Variants in PDE5A observed in about 807,000 individuals in gnomAD.
PDE5A encodes the protein phosphodiesterase 5A.
In PDE5A, 67 loss-of-function variants were observed where a neutral mutation model predicts 110.2. The observed-to-expected ratio is 0.61, with a 90% CI of 0.50 to 0.75. The LOEUF (loss-of-function observed/expected upper bound fraction) is 0.75, where lower values mean the gene tolerates loss of function less well. PDE5A is among the 30% of genes least tolerant of loss of function. The pLI, the probability that PDE5A is intolerant of heterozygous loss-of-function variation, is 0.00. For missense variants in PDE5A, 862 were observed against 1,045.1 expected (o/e 0.82, Z 2.42); for synonymous variants, 328 against 351.2 (o/e 0.93, Z 0.74).
chr4:119,551,634 T>C (rs10016736), intron 9 of PDE5A, among the ~76,000 whole-genome samples: 3,436 of 152,270 alleles, frequency 0.023, 134 homozygotes, highest in African/African-American at 0.078. Context: ...GGGACAAATG[T>C]TACTTTACTC....
intron 2 of PDE5A, among the ~76,000 whole-genome samples, chr4:119,597,083 T>G (rs1315076267): frequency 1.3e-5 from 2 of 152,100 alleles, no homozygotes; most frequent in East Asian, 3.9e-4. Context: ...GAGTTTAAAT[T>G]ATACACATAT....
At chr4:119,498,884 A>T in intron 20 of PDE5A, 146 bp from the exon 21 acceptor site, 1 of 737,570 alleles carries the variant, frequency 1.4e-6, no homozygotes, top group Non-Finnish European at 2.2e-6. Context: ...GAGCACATAC[A>T]CAGATCATTT....
chr4:119,555,480 T>C (rs1727503696), intron 7 of PDE5A, among the ~76,000 whole-genome samples: 1 of 151,878 alleles, frequency 6.6e-6, no homozygotes, highest in Non-Finnish European at 1.5e-5. Flanking sequence ...ATTTTATAAA[T>C]AGCAACAGCC....
chr4:119,545,339 T>C (rs1174322991), intron 9 of PDE5A, among the ~76,000 whole-genome samples: 1 of 152,148 alleles, frequency 6.6e-6, no homozygotes, highest in East Asian at 1.9e-4. Flanking sequence ...AGGAGTACAA[T>C]AATGAAATTT....
At chr4:119,501,303 A>G in intron 19 of PDE5A, 50 bp from the exon 20 acceptor site, 1 of 1,099,412 alleles carries the variant, frequency 9.1e-7, no homozygotes, top group Non-Finnish European at 1.4e-6. Flanking sequence ...TTATTTATTT[A>G]GTTAGTTATT....
At chr4:119,610,656 A>G (rs181722980) in intron 1 of PDE5A, among the ~76,000 whole-genome samples, 25 of 152,212 alleles carry the variant, frequency 1.6e-4, no homozygotes, top group South Asian at 4.1e-4. Context: ...ATGGAGTACC[A>G]TCACCTCCAC....
chr4:119,612,330 T>C (rs1376111603), intron 1 of PDE5A, among the ~76,000 whole-genome samples: 5 of 152,196 alleles, frequency 3.3e-5, no homozygotes, highest in Non-Finnish European at 7.3e-5. Flanking sequence ...CCCTTCATGA[T>C]GAGTGAGTTC....
intron 1 of PDE5A, among the ~76,000 whole-genome samples, chr4:119,625,747 A>G (rs1454542940): frequency 6.6e-6 from 1 of 152,128 alleles, no homozygotes; most frequent in African/African-American, 2.4e-5. Flanking sequence ...AAAAATCCTT[A>G]GCTGTAAAGT....
At chr4:119,573,634 A>G (rs1376671208) in intron 3 of PDE5A, among the ~76,000 whole-genome samples, 1 of 152,198 alleles carries the variant, frequency 6.6e-6, no homozygotes, top group African/African-American at 2.4e-5. Context: ...AGGCACCTTT[A>G]TACCTATGAT....
chr4:119,568,114 T>A (rs564347001), intron 3 of PDE5A, among the ~76,000 whole-genome samples: 1 of 152,122 alleles, frequency 6.6e-6, no homozygotes, highest in South Asian at 2.1e-4. Flanking sequence ...AGTTTTCTAG[T>A]CTTCTTAACA....
intron 17 of PDE5A, 63 bp from the exon 18 acceptor site, chr4:119,504,662 A>C: frequency 1.5e-6 from 2 of 1,310,170 alleles, no homozygotes; most frequent in Non-Finnish European, 2.2e-6. Context: ...TACCCTCAGT[A>C]AATAGTTACT....
chr4:119,511,353 A>ATTT (rs1344603008), intron 14 of PDE5A, among the ~76,000 whole-genome samples: 54 of 152,162 alleles, frequency 3.5e-4, no homozygotes, highest in Non-Finnish European at 6.0e-4. Context: ...CCATTGCCAG[A>ATTT]GTAAAGTATG....
intron 19 of PDE5A, among the ~76,000 whole-genome samples, chr4:119,501,850 A>AATT (rs530229502): frequency 1.1e-4 from 16 of 152,148 alleles, no homozygotes; most frequent in Non-Finnish European, 1.2e-4. Flanking sequence ...CAACTTTGGG[A>AATT]ATTTATGCTA....
intron 3 of PDE5A, among the ~76,000 whole-genome samples, chr4:119,572,595 A>C (rs1374976944): frequency 2.0e-5 from 3 of 152,246 alleles, no homozygotes; most frequent in African/African-American, 7.2e-5. Flanking sequence ...TAATTTAAAA[A>C]GTATAGAAAA....
rs547516596 is a variant in PDE5A, at chr4:119,503,078, A to G, written c.2332-423T>C. On this transcript the variant is annotated intron_variant, in intron 18 of 20. Transcript: ENST00000354960. ...ATTATGGGCAGGAAGGTAGGTAAAGATCACCTAAGTGCTTATGGCGTGTTG... is the reference window on the plus strand; with the variant it reads ...ATTATGGGCAGGAAGGTAGGTAAAGGTCACCTAAGTGCTTATGGCGTGTTG... Among the ~76,000 whole-genome samples the G allele has an allele frequency of 5.4e-4, 82 of 152,226 alleles. 2 individuals carry two copies. In the South Asian group the frequency reaches 0.011, roughly 21 times the overall value.
chr4:119,611,094 C>T (rs1458979570), intron 1 of PDE5A, among the ~76,000 whole-genome samples: 1 of 152,172 alleles, frequency 6.6e-6, no homozygotes, highest in African/African-American at 2.4e-5. Context: ...GTCTGGGATG[C>T]TCTCCCCTCA....
At chr4:119,515,925 T>C (rs926549118) in intron 14 of PDE5A, among the ~76,000 whole-genome samples, 1 of 152,168 alleles carries the variant, frequency 6.6e-6, no homozygotes, top group African/African-American at 2.4e-5. Context: ...TTCCCACCCA[T>C]ATCAAATCTA....
In PDE5A at chr4:119,553,659, C is replaced by G; in HGVS notation, c.1287G>C (p.Lys429Asn). Reference sequence around the variant, plus strand: ...TTACTGTCCAGGGAAATCTTTTATCCTTACTGACATCTGGGATATTAAGTG... The same window carrying G: ...TTACTGTCCAGGGAAATCTTTTATCGTTACTGACATCTGGGATATTAAGTG... The part of the protein sequence containing the change: ...MEPLNIPDVS[K>N]DKRFPWTTEN... The change falls in exon 8 of 21, where the codon AAG becomes AAC. Residue 429 changes from lysine to asparagine, a missense_variant. Transcript: ENST00000354960. The G allele has an allele frequency of 1.3e-6, 2 of 1,573,158 alleles. No homozygotes were observed. Among genetic ancestry groups the G allele is most frequent in the Non-Finnish European group, 1.7e-6 (2 of 1,143,046 alleles).
rs1452780337 is a variant in PDE5A, at chr4:119,567,089, G to A, written c.887C>T (p.Thr296Ile). The A allele has an allele frequency of 6.2e-7, 1 of 1,612,734 alleles. No homozygotes were observed. Among genetic ancestry groups the A allele is most frequent in the Non-Finnish European group, 8.5e-7 (1 of 1,179,056 alleles). The change falls in exon 4 of 21, where the codon ACT (threonine) becomes ATT (isoleucine). Residue 296 changes from threonine to isoleucine, a missense_variant. By Grantham distance (89) the Thr-to-Ile change is moderately conservative. Transcript: ENST00000354960. Reference sequence around the variant, plus strand: ...TTTTGGTACCTTTTCATCTTTTTCAGTAAATGTCCCACCGTTTCCTGATTT... The same window carrying A: ...TTTTGGTACCTTTTCATCTTTTTCAATAAATGTCCCACCGTTTCCTGATTT... ...NKKSGNGGTF[T>I]EKDEKDFAAY...
Sources: allele counts gnomAD v4.1 joint callset (sites outside exome capture counted in the v4.1 genomes callset), GRCh38; gene constraint gnomAD v4.1.1; transcripts MANE v1.5; gene names NCBI Gene and HGNC (gene_info 2026-07-23, HGNC 2026-07-21).